DGKD: variants seen among roughly 807,000 people sequenced by gnomAD.
DGKD encodes DAG kinase delta.
Under a neutral mutation model 154.4 loss-of-function variants are expected in DGKD, and 68 were observed. The observed-to-expected ratio is 0.44, with a 90% CI of 0.36 to 0.54. The LOEUF (loss-of-function observed/expected upper bound fraction) is 0.54, where lower values mean the gene tolerates loss of function less well. DGKD is among the 20% of genes least tolerant of loss of function. The pLI is 0.00. For synonymous variants in DGKD, 693 were observed against 638.0 expected, an observed-to-expected ratio of 1.09 and a Z score of -1.30; for missense variants, 1,343 against 1,593.6, an observed-to-expected ratio of 0.84 and a Z score of 2.68.
At chr2:233,393,334 C>CTTTTTTT (rs61587988) in intron 3 of DGKD, among the ~76,000 whole-genome samples, 1 of 103,862 alleles carries the variant, frequency 9.6e-6, no homozygotes, top group Non-Finnish European at 1.9e-5. Flanking sequence ...GGCCTGTTTC[C>CTTTTTTT]TTTTTTTTTT....
At chr2:233,366,744 C>T (rs2125388270) in intron 1 of DGKD, among the ~76,000 whole-genome samples, 1 of 152,152 alleles carries the variant, frequency 6.6e-6, no homozygotes. Flanking sequence ...TTCATCTGAG[C>T]CCGAGAGTGA....
At chr2:233,463,884 C>T in intron 26 of DGKD, 1 of 430,628 alleles carries the variant, frequency 2.3e-6, no homozygotes, top group Non-Finnish European at 4.3e-6. Context: ...TGGCTCCGAC[C>T]CCATTTCTGA....
chr2:233,436,485 C>T (rs1283963500), intron 7 of DGKD, 44 bp downstream of exon 7: 1 of 1,588,626 alleles, frequency 6.3e-7, no homozygotes, highest in African/African-American at 1.3e-5. Context: ...AGGGCTTGCT[C>T]CCTACCGTGC....
intron 1 of DGKD, among the ~76,000 whole-genome samples, chr2:233,370,567 CTTCTTT>C (rs375239006): frequency 0.024 from 2,785 of 114,360 alleles, 36 homozygotes; most frequent in Non-Finnish European, 0.033. Context: ...TTCAGAACTT[CTTCTTT>C]TTTTTTTTTT....
chr2:233,356,292 T>C (rs552256551), intron 1 of DGKD, among the ~76,000 whole-genome samples: 6 of 152,084 alleles, frequency 3.9e-5, no homozygotes, highest in Non-Finnish European at 8.8e-5. Flanking sequence ...GTTGGAAGGG[T>C]TGGTTAGGGC....
At chr2:233,390,344 A>G (rs1703515725) in intron 2 of DGKD, 59 bp from the exon 3 acceptor site, 9 of 1,354,664 alleles carry the variant, frequency 6.6e-6, no homozygotes, top group Non-Finnish European at 9.5e-6. Context: ...AGCGCTGGCT[A>G]GTGCTTAGGG....
Position 233,449,948 on chromosome 2 carries a change from C to A in DGKD, c.1889-34C>A. ...CTGACAGCGCCCTTGGCTTTGCACC[C>A]GCGTGCTCAGCCGCACACACTCTCC... On this transcript the variant is annotated intron_variant, in intron 15 of 29. Coordinates refer to ENST00000264057, the MANE Select transcript of DGKD (RefSeq NM_152879.3). This position sits in a 1 kb window ranked among gnomAD's most constrained non-coding sequence, Gnocchi z 5.3. 6.5e-7 allele frequency: 1 copy of A among 1,544,630 alleles called. No homozygotes were observed. The highest frequency in any genetic ancestry group is 1.2e-5 in the South Asian group (1 of 80,426).
intron 19 of DGKD, among the ~76,000 whole-genome samples, chr2:233,456,278 G>A (rs2063458528): frequency 6.6e-6 from 1 of 152,256 alleles, no homozygotes; most frequent in Admixed American, 6.5e-5. Flanking sequence ...TCGATAAGCT[G>A]TGGTAGAGCA....
rs185243312 is a variant in DGKD at position 233,398,216 on chromosome 2, T to C, written c.348+7733T>C. 7.1e-3 allele frequency among the ~76,000 whole-genome samples: 1,072 copies of C among 150,654 alleles called. 33 individuals are homozygous for C. In the East Asian group the frequency reaches 0.1, roughly 14 times the overall value. On this transcript the variant is annotated intron_variant, in intron 3 of 29. Coordinates refer to ENST00000264057, the MANE Select transcript of DGKD (RefSeq NM_152879.3). The stretch of plus-strand genomic sequence containing the variant: ...GGAGTGCAGTGGTGCGATCTTGGCT[T>C]ACTGCAAGCTCCGCCTCCCGGGTTC...
intron 1 of DGKD, among the ~76,000 whole-genome samples, chr2:233,383,381 C>G (rs946150816): frequency 6.6e-6 from 1 of 152,208 alleles, no homozygotes; most frequent in Non-Finnish European, 1.5e-5. Context: ...TTACTGGTTA[C>G]TGACTGGCTG....
intron 1 of DGKD, among the ~76,000 whole-genome samples, chr2:233,376,568 G>T (rs1702582137): frequency 6.6e-6 from 1 of 152,046 alleles, no homozygotes; most frequent in Non-Finnish European, 1.5e-5. Context: ...CCCTTAGGAG[G>T]TCATTGTATG....
intron 5 of DGKD, among the ~76,000 whole-genome samples, 167 bp from the exon 6 acceptor site, chr2:233,435,651 C>G (rs1455015376): frequency 7.9e-5 from 12 of 152,198 alleles, no homozygotes; most frequent in Admixed American, 7.9e-4. Context: ...GCCGGTCCCA[C>G]CGCCATCAGC....
At chr2:233,447,412 G>T (rs2124843827) in intron 12 of DGKD, 2 of 939,466 alleles carry the variant, frequency 2.1e-6, no homozygotes, top group South Asian at 9.8e-5. Context: ...CTTTTGTCAG[G>T]GGCTAGGGCA....
At chr2:233,397,146 C>G (rs28735978) in intron 3 of DGKD, among the ~76,000 whole-genome samples, 36 of 58,870 alleles carry the variant, frequency 6.1e-4, no homozygotes, top group South Asian at 3.1e-3. Flanking sequence ...CCAGAGGGGA[C>G]CAGGGTGGCT....
chr2:233,425,445 C>T (rs1258342281), intron 3 of DGKD, among the ~76,000 whole-genome samples: 2 of 152,170 alleles, frequency 1.3e-5, no homozygotes, highest in African/African-American at 4.8e-5. Flanking sequence ...CCTCAGCCTC[C>T]CAAAGTGCTG....
rs147447714 is a variant in DGKD, at chr2:233,357,671, G to A, written c.156+2997G>A. Among the ~76,000 whole-genome samples, 679 of 151,970 alleles carry A rather than the reference G, an allele frequency of 4.5e-3. 6 individuals are homozygous for A. Among genetic ancestry groups the A allele is most frequent in the African/African-American group, 0.015 (641 of 41,446 alleles). On this transcript the variant is annotated intron_variant, in intron 1 of 29. Transcript: ENST00000264057. ...CCTGCCTCAGCCTCCCAAGTAGCTG[G>A]GACTACAGGCAAATGCCACCATGCT...
rs550435037 is a variant in DGKD, at chr2:233,447,649, T to C, written c.1420-438T>C. 3.5e-5 allele frequency: 35 copies of C among 1,009,264 alleles called. No homozygotes were observed. The African/African-American group carries it at 5.9e-4, about 17-fold the overall frequency. 62.5% of individuals were successfully genotyped at this position (1,009,264 alleles called of 1,614,324 possible). On this transcript the variant is annotated intron_variant, in intron 12 of 29. Coordinates refer to ENST00000264057, the MANE Select transcript of DGKD (RefSeq NM_152879.3). ...AGCAGGGATCCCACAGGGATAGGGC[T>C]GCCCTTCTGACAGCCAGAACAGATG...
At chr2:233,379,076 A>G (rs1702744640) in intron 1 of DGKD, among the ~76,000 whole-genome samples, 1 of 152,194 alleles carries the variant, frequency 6.6e-6, no homozygotes, top group Non-Finnish European at 1.5e-5. Flanking sequence ...ATTAAGATAA[A>G]TAAACCCACT....
intron 29 of DGKD, 77 bp downstream of exon 29, chr2:233,468,630 A>T (rs1427086471): frequency 6.3e-7 from 1 of 1,584,890 alleles, no homozygotes; most frequent in African/African-American, 1.3e-5. Flanking sequence ...CTCTCCCCCG[A>T]CCTGGCCATG....
Sources: allele counts gnomAD v4.1 joint callset (sites outside exome capture counted in the v4.1 genomes callset), GRCh38; gene constraint gnomAD v4.1.1; non-coding constraint Gnocchi (gnomAD v3.1); transcripts MANE v1.5; gene names NCBI Gene and HGNC (gene_info 2026-07-23, HGNC 2026-07-21).